UAP1L1: variants seen among roughly 807,000 people sequenced by gnomAD.
UAP1L1 encodes the protein UDP-N-acetylglucosamine pyrophosphorylase 1 like 1.
In UAP1L1, 45 loss-of-function variants were observed where a neutral mutation model predicts 45.3. The ratio of observed to expected loss-of-function variants is 0.99; its 90% CI spans 0.78 to 1.27. The LOEUF is 1.27. Among genes scored for constraint, UAP1L1 ranks in the 50% most tolerant of loss-of-function variants. The pLI is 0.00. For missense variants in UAP1L1, 667 were observed against 694.0 expected (o/e 0.96, Z 0.44); for synonymous variants, 323 against 303.9 (o/e 1.06, Z -0.65).
Position 137,082,334 on chromosome 9 carries a change from G to A in UAP1L1, c.1431+270G>A. On this transcript the variant is annotated intron_variant, in intron 8 of 8. Coordinates refer to ENST00000409858, the MANE Select transcript of UAP1L1 (RefSeq NM_207309.3). The surrounding 1 kb of genome is among the most constrained non-coding windows in gnomAD (Gnocchi z 5.7). Reference sequence around the variant, plus strand: ...CCAGTCAGGCCTTGGTGGGGGCCTTGCGGAGGGAGGACACCGGCCTCTGCT... The same window carrying A: ...CCAGTCAGGCCTTGGTGGGGGCCTTACGGAGGGAGGACACCGGCCTCTGCT... 5 of 600,478 alleles carry A rather than the reference G, an allele frequency of 8.3e-6. No individual in the cohort carries two copies. In the South Asian group the frequency reaches 1.0e-4, roughly 12 times the overall value. The allele number at this position is 600,478 out of a possible 1,614,324, so 37.2% of individuals were successfully genotyped here.
At position 137,080,439 on chromosome 9, in the gene UAP1L1, C is replaced by G. The variant is rs543524296; in HGVS notation, c.1179-250C>G. On this transcript the variant is annotated intron_variant, in intron 6 of 8. Coordinates refer to ENST00000409858, the MANE Select transcript of UAP1L1 (RefSeq NM_207309.3). ...TCCTGGCCAGGTTGCCAGGGCGGCTCGCAGGGCCTTTGGCCCTCACTGCAG... is the reference window on the plus strand; with the variant it reads ...TCCTGGCCAGGTTGCCAGGGCGGCTGGCAGGGCCTTTGGCCCTCACTGCAG... The G allele has an allele frequency of 8.4e-6, 5 of 591,916 alleles. No individual in the cohort carries two copies. In the African/African-American group the frequency reaches 9.3e-5, roughly 11 times the overall value. The allele number at this position is 591,916 out of a possible 1,614,324, so 36.7% of individuals were successfully genotyped here. A position where few individuals can be genotyped will look rare whatever the true frequency, so the allele number is the denominator to read the frequency against.
In UAP1L1 at chr9:137,082,211, C is replaced by T; in HGVS notation, c.1431+147C>T. 1 of 800,398 alleles carries T rather than the reference C, an allele frequency of 1.2e-6. No individual in the cohort carries two copies. The highest frequency in any genetic ancestry group is 2.6e-5 in the East Asian group (1 of 38,706). The allele number at this position is 800,398 out of a possible 1,614,324, so 49.6% of individuals were successfully genotyped here. ...TGGTTTAAATTTGCAGAAGACTTTC[C>T]AAGATATGGGTTGGGGTGGGGTGAG... On this transcript the variant is annotated intron_variant, in intron 8 of 8. Coordinates refer to ENST00000409858, the MANE Select transcript of UAP1L1 (RefSeq NM_207309.3). This position sits in a 1 kb window ranked among gnomAD's most constrained non-coding sequence, Gnocchi z 5.7.
At chr9:137,080,994 C>A in intron 7 of UAP1L1, 120 bp downstream of exon 7, 1 of 1,050,102 alleles carries the variant, frequency 9.5e-7, no homozygotes, top group Non-Finnish European at 1.3e-6. Context: ...TCCTTCCCGG[C>A]ACCACCGCAG....
At position 137,082,237 on chromosome 9, in the gene UAP1L1, G is replaced by C; in HGVS notation, c.1431+173G>C. ...AAGATATGGGTTGGGGTGGGGTGAGGCATCCAGAGGCCTTTGCAGGTCCTG... is the reference window on the plus strand; with the variant it reads ...AAGATATGGGTTGGGGTGGGGTGAGCCATCCAGAGGCCTTTGCAGGTCCTG... On this transcript the variant is annotated intron_variant, in intron 8 of 8. Coordinates refer to ENST00000409858, the MANE Select transcript of UAP1L1 (RefSeq NM_207309.3). This position sits in a 1 kb window ranked among gnomAD's most constrained non-coding sequence, Gnocchi z 5.7. The C allele has an allele frequency of 1.5e-6, 1 of 672,350 alleles. No individual in the cohort carries two copies. The highest frequency in any genetic ancestry group is 2.7e-5 in the East Asian group (1 of 36,924). 41.6% of individuals were successfully genotyped at this position (672,350 alleles called of 1,614,324 possible). A position where few individuals can be genotyped will look rare whatever the true frequency, so the allele number is the denominator to read the frequency against.
chr9:137,079,769 C>A lies in UAP1L1; in HGVS notation c.1038-233C>A, dbSNP rs775011088. ...GCTCTGGGGCTTGCCAGTTTGTTTG[C>A]CTGGGCAGGGATGTGGCTGATGGTG... is the stretch of plus-strand genomic sequence containing the variant. On this transcript the variant is annotated intron_variant, in intron 5 of 8. Transcript: ENST00000409858. 4.8e-4 allele frequency: 294 copies of A among 611,972 alleles called. 1 individual carries two copies. Among genetic ancestry groups the A allele is most frequent in the Non-Finnish European group, 7.4e-4 (261 of 354,788 alleles). The allele number at this position is 611,972 out of a possible 1,614,324, so 37.9% of individuals were successfully genotyped here. A position where few individuals can be genotyped will look rare whatever the true frequency, so the allele number is the denominator to read the frequency against.
rs1463008295 is a variant in UAP1L1, at chr9:137,078,177, C to G, written c.417C>G (p.Tyr139Ter). 1 of 1,549,908 alleles carries G rather than the reference C, an allele frequency of 6.5e-7. No homozygotes were observed. Among genetic ancestry groups the G allele is most frequent in the Non-Finnish European group, 8.7e-7 (1 of 1,146,838 alleles). ...RVGLPSRKTL[Y>*]QLQAERIRRV... ...GGCTGCCCAGCCGGAAGACCCTGTA[C>G]CAGCTGCAGGCGGAGCGGATTCGGC... Residue 139 changes from tyrosine (Y) to a stop codon, truncating the protein, a stop_gained, in exon 2 of 9, where the codon TAC becomes TAG. Transcript: ENST00000409858. LOFTEE classifies it high-confidence loss of function.
Position 137,082,733 on chromosome 9 carries a change from G to C in UAP1L1, c.*4G>C, listed in dbSNP as rs370904086. On this transcript the variant is annotated 3_prime_UTR_variant, in exon 9 of 9. Transcript: ENST00000409858. This position sits in a 1 kb window ranked among gnomAD's most constrained non-coding sequence, Gnocchi z 5.7. ...GCCGCAGCTGCAGGAGTCCTGACCC[G>C]CCCAGACTGTCCCCAGACTCCCCCG... The C allele has an allele frequency of 6.5e-7, 1 of 1,546,446 alleles. No homozygotes were observed. Among genetic ancestry groups the C allele is most frequent in the Non-Finnish European group, 8.7e-7 (1 of 1,146,096 alleles).
Position 137,078,174 on chromosome 9 carries a change from G to A in UAP1L1, c.414G>A (p.Leu138=). 6.5e-7 allele frequency: 1 copy of A among 1,550,020 alleles called. No homozygotes were observed. The highest frequency in any genetic ancestry group is 1.2e-5 in the South Asian group (1 of 84,054). ...YRVGLPSRKT[L]YQLQAERIRR... is the part of the protein sequence containing the mutation. ...TGGGGCTGCCCAGCCGGAAGACCCT[G>A]TACCAGCTGCAGGCGGAGCGGATTC... The change falls in exon 2 of 9, where the codon CTG becomes CTA. Residue 138 remains leucine, a synonymous_variant. Coordinates refer to ENST00000409858, the MANE Select transcript of UAP1L1 (RefSeq NM_207309.3).
In UAP1L1 at chr9:137,080,755, C is replaced by A. The variant is rs373573211; in HGVS notation, c.1245C>A (p.Ala415=). ...CCCCACTGAAGAACGCAGAGCCAGC[C>A]GACAGGGACAGTCCCCGCACCGCTC... The part of the protein sequence containing the change: ...EFSPLKNAEP[A]DRDSPRTARQ... The change falls in exon 7 of 9, where the codon GCC becomes GCA. Residue 415 remains alanine, a synonymous_variant. Coordinates refer to ENST00000409858, the MANE Select transcript of UAP1L1 (RefSeq NM_207309.3). 4.3e-6 allele frequency: 7 copies of A among 1,612,712 alleles called. No homozygotes were observed. In the African/African-American group the frequency reaches 9.3e-5, roughly 22 times the overall value.
intron 2 of UAP1L1, 100 bp downstream of exon 2, chr9:137,078,354 A>C: frequency 6.4e-7 from 1 of 1,554,758 alleles, no homozygotes; most frequent in Non-Finnish European, 8.7e-7. Flanking sequence ...ACAGACCGGG[A>C]CATTGCCCAG....
chr9:137,079,857 C>A (rs969024609), intron 5 of UAP1L1, 145 bp from the exon 6 acceptor site: 3 of 941,108 alleles, frequency 3.2e-6, no homozygotes, highest in East Asian at 2.5e-5. Flanking sequence ...GGAGATCTGG[C>A]CCTACTCTGC....
chr9:137,079,646 C>A (rs968186187), intron 5 of UAP1L1, 197 bp downstream of exon 5: 2 of 609,762 alleles, frequency 3.3e-6, no homozygotes, highest in Non-Finnish European at 2.8e-6. Flanking sequence ...AGATCAGGCA[C>A]AAGCCGTGCT....
At position 137,079,993 on chromosome 9, in the gene UAP1L1, G is replaced by C. The variant is rs753942116; in HGVS notation, c.1038-9G>C. 4.3e-6 allele frequency: 7 copies of C among 1,612,920 alleles called. No individual in the cohort carries two copies. In the South Asian group the frequency reaches 5.5e-5, roughly 13 times the overall value. On this transcript the variant is annotated splice_polypyrimidine_tract_variant and intron_variant, in intron 5 of 8. Coordinates refer to ENST00000409858, the MANE Select transcript of UAP1L1 (RefSeq NM_207309.3). ...TTTCTTTCCTCCCCTCTGCTCTCCC[G>C]TGCCCCAGGGAGTTTGAGCCTTTGC...
chr9:137,080,980 G>T, intron 7 of UAP1L1, 106 bp downstream of exon 7: 1 of 1,188,066 alleles, frequency 8.4e-7, no homozygotes, highest in Non-Finnish European at 1.1e-6. Flanking sequence ...CTGGGGAGGG[G>T]TCTTCCTTCC....
At chr9:137,078,855 T>C in intron 3 of UAP1L1, 121 bp from the exon 4 acceptor site, 2 of 1,350,896 alleles carry the variant, frequency 1.5e-6, no homozygotes, top group South Asian at 1.5e-5. Context: ...GCTGTCTGGT[T>C]AGTGACCAGG....
In UAP1L1 at chr9:137,082,209, T is replaced by C; in HGVS notation, c.1431+145T>C. On this transcript the variant is annotated intron_variant, in intron 8 of 8. Transcript: ENST00000409858. The surrounding 1 kb of genome is among the most constrained non-coding windows in gnomAD (Gnocchi z 5.7). Reference sequence around the variant, plus strand: ...GGTGGTTTAAATTTGCAGAAGACTTTCCAAGATATGGGTTGGGGTGGGGTG... The same window carrying C: ...GGTGGTTTAAATTTGCAGAAGACTTCCCAAGATATGGGTTGGGGTGGGGTG... 1.2e-6 allele frequency: 1 copy of C among 810,378 alleles called. No homozygotes were observed. The highest frequency in any genetic ancestry group is 1.5e-5 in the South Asian group (1 of 65,376). 50.2% of individuals were successfully genotyped at this position (810,378 alleles called of 1,614,324 possible).
At chr9:137,080,339 G>A (rs536581273) in intron 6 of UAP1L1, 197 bp downstream of exon 6, 1 of 664,232 alleles carries the variant, frequency 1.5e-6, no homozygotes, top group African/African-American at 1.8e-5. Context: ...GGAGTCCTTG[G>A]GGCTGTGGAC....
At position 137,077,884 on chromosome 9, in the gene UAP1L1, C is replaced by T; in HGVS notation, c.289+63C>T. 4 of 1,465,196 alleles carry T rather than the reference C, an allele frequency of 2.7e-6. No homozygotes were observed. The highest frequency in any genetic ancestry group is 2.8e-5 in the South Asian group (2 of 72,374). The allele number at this position is 1,465,196 out of a possible 1,614,324, so 90.8% of individuals were successfully genotyped here. A position where few individuals can be genotyped will look rare whatever the true frequency, so the allele number is the denominator to read the frequency against. ...TCGTGCCCACGGAGCGGGTGGGAAC[C>T]GAGGCCGCGCTCGGGGAACTGTAGT... On this transcript the variant is annotated intron_variant, in intron 1 of 8. Transcript: ENST00000409858. This position sits in a 1 kb window ranked among gnomAD's most constrained non-coding sequence, Gnocchi z 4.7.
Position 137,078,543 on chromosome 9 carries a change from A to T in UAP1L1, c.536A>T (p.Glu179Val). 1 of 1,613,172 alleles carries T rather than the reference A, an allele frequency of 6.2e-7. No homozygotes were observed. Among genetic ancestry groups the T allele is most frequent in the Non-Finnish European group, 8.5e-7 (1 of 1,180,022 alleles). ...GAGTTCACTCTGGGGCCCACGGCCG[A>T]GTTCTTCAGGGAGCACAACTTCTTC... ...TSEFTLGPTAEFFREHNFFHL... is the reference protein window; with the variant it reads ...TSEFTLGPTAVFFREHNFFHL... The change falls in exon 3 of 9, where the codon GAG becomes GTG. Residue 179 changes from glutamate (E) to valine (V), a missense_variant. Coordinates refer to ENST00000409858, the MANE Select transcript of UAP1L1 (RefSeq NM_207309.3).
Sources: gnomAD v4.1 joint callset for allele counts on GRCh38, gnomAD v4.1.1 for gene constraint, Gnocchi (gnomAD v3.1) non-coding constraint, MANE v1.5 for transcripts, NCBI Gene and HGNC (gene_info 2026-07-23, HGNC 2026-07-21) for gene names.